Variants in L3MBTL4 observed in about 807,000 individuals in gnomAD.
L3MBTL4 encodes the protein lethal(3)malignant brain tumor-like protein 4.
Under a neutral mutation model 84.5 loss-of-function variants are expected in L3MBTL4, and 70 were observed. That is an observed-to-expected ratio of 0.83 (90% confidence interval 0.68 to 1.01). The LOEUF (loss-of-function observed/expected upper bound fraction) is 1.01. L3MBTL4 is among the 50% of genes least tolerant of loss of function. The probability of loss-of-function intolerance (pLI) is 0.00; values close to 1 mark genes in which losing one functional copy is unlikely to be tolerated. For missense variants in L3MBTL4, 715 were observed against 754.8 expected (o/e 0.95, Z 0.62); for synonymous variants, 274 against 259.8 (o/e 1.05, Z -0.52).
At chr18:6,226,056 G>C (rs1599232095) in intron 10 of L3MBTL4, among the ~76,000 whole-genome samples, 1 of 152,256 alleles carries the variant, frequency 6.6e-6, no homozygotes, top group Middle Eastern at 3.4e-3. Flanking sequence ...AAAAAGTGCT[G>C]AAAATGGTGA....
At chr18:6,302,475 G>C (rs765061486) in intron 3 of L3MBTL4, among the ~76,000 whole-genome samples, 3 of 152,192 alleles carry the variant, frequency 2.0e-5, no homozygotes, top group African/African-American at 4.8e-5. Flanking sequence ...AACAATACAA[G>C]CACACGCAGC....
intron 16 of L3MBTL4, among the ~76,000 whole-genome samples, chr18:6,060,494 C>A (rs960837208): frequency 1.3e-5 from 2 of 151,690 alleles, no homozygotes; most frequent in African/African-American, 4.8e-5. Context: ...CCATATGCCC[C>A]CTTTACCCCT....
intron 5 of L3MBTL4, chr18:6,258,564 G>T (rs942721184): frequency 6.6e-6 from 1 of 152,342 alleles, no homozygotes; most frequent in African/African-American, 2.4e-5. Flanking sequence ...AGTCTTAAAA[G>T]AAAAAGTGGT....
chr18:6,281,437 T>C (rs577149726), intron 4 of L3MBTL4, among the ~76,000 whole-genome samples: 2 of 152,334 alleles, frequency 1.3e-5, no homozygotes, highest in Admixed American at 6.5e-5. Context: ...TTTTAAATAC[T>C]GTCATAAATT....
chr18:5,956,238 G>A lies in L3MBTL4; in HGVS notation c.1827C>T (p.Gly609=), dbSNP rs370277003. The part of the protein sequence containing the change: ...QELPEEDIAS[G]QEVRG ...AGCCCATTCATCCCCTGACTTCTTG[G>A]CCTGAGGCAATATCTTCTTCAGGGA... is the stretch of plus-strand genomic sequence containing the variant. Residue 609 remains glycine, a synonymous_variant, in exon 19 of 19, where the codon GGC becomes GGT. Coordinates refer to ENST00000317931, the MANE Select transcript of L3MBTL4 (RefSeq NM_001330559.2). The A allele has an allele frequency of 1.8e-5, 29 of 1,613,576 alleles. No individual in the cohort carries two copies. Among genetic ancestry groups the A allele is most frequent in the Non-Finnish European group, 2.1e-5 (25 of 1,179,878 alleles).
intron 4 of L3MBTL4, among the ~76,000 whole-genome samples, chr18:6,266,529 TAGAACATTTGA>T (rs2048640628): frequency 6.6e-6 from 1 of 152,162 alleles, no homozygotes; most frequent in Non-Finnish European, 1.5e-5. Flanking sequence ...CACCTCTCAC[TAGAACATTTGA>T]AACCTCTCGA....
chr18:6,196,642 T>C (rs2145595802), intron 12 of L3MBTL4, among the ~76,000 whole-genome samples: 1 of 152,310 alleles, frequency 6.6e-6, no homozygotes, highest in East Asian at 1.9e-4. Flanking sequence ...CCAAAGCCTT[T>C]TAACTATAAA....
At chr18:6,076,490 T>C (rs957506413) in intron 16 of L3MBTL4, among the ~76,000 whole-genome samples, 3 of 152,200 alleles carry the variant, frequency 2.0e-5, no homozygotes, top group African/African-American at 7.2e-5. Flanking sequence ...TGGTCATATG[T>C]TTCTTGATCT....
At chr18:6,088,221 C>T (rs62079163) in intron 15 of L3MBTL4, among the ~76,000 whole-genome samples, 1,593 of 152,170 alleles carry the variant, frequency 0.01, 30 homozygotes, top group African/African-American at 0.037. Context: ...ATAGGACTGG[C>T]CTTAGCAAGG....
chr18:5,994,841 G>A (rs2053876655), intron 16 of L3MBTL4, among the ~76,000 whole-genome samples: 1 of 152,186 alleles, frequency 6.6e-6, no homozygotes, highest in Non-Finnish European at 1.5e-5. Flanking sequence ...CCTTGAAATT[G>A]TAAATTTTCT....
chr18:6,107,057 T>C (rs7238730), intron 14 of L3MBTL4, among the ~76,000 whole-genome samples: 4,228 of 152,344 alleles, frequency 0.028, 194 homozygotes, highest in African/African-American at 0.097. Flanking sequence ...CATATATACT[T>C]ATTAAGCATT....
At chr18:6,117,672 T>A (rs1434518669) in intron 14 of L3MBTL4, among the ~76,000 whole-genome samples, 1 of 152,200 alleles carries the variant, frequency 6.6e-6, no homozygotes, top group East Asian at 1.9e-4. Flanking sequence ...GAGATAAGAT[T>A]TGTCGTAAAA....
At chr18:6,177,665 T>C (rs752971867) in intron 12 of L3MBTL4, among the ~76,000 whole-genome samples, 5 of 152,232 alleles carry the variant, frequency 3.3e-5, no homozygotes, top group African/African-American at 1.2e-4. Context: ...TGCTGTCACA[T>C]GTGGCTGCTC....
At chr18:6,155,947 A>G (rs371375189) in intron 13 of L3MBTL4, among the ~76,000 whole-genome samples, 57 of 152,242 alleles carry the variant, frequency 3.7e-4, no homozygotes, top group African/African-American at 1.3e-3. Context: ...AAATAAAACT[A>G]TGACGTATTT....
chr18:6,124,227 G>T (rs2059615873), intron 14 of L3MBTL4, among the ~76,000 whole-genome samples: 3 of 152,026 alleles, frequency 2.0e-5, no homozygotes. Flanking sequence ...AGATGTAGAG[G>T]TTCCAATGTC....
chr18:6,074,394 A>G (rs1162126418), intron 16 of L3MBTL4, among the ~76,000 whole-genome samples: 1 of 152,138 alleles, frequency 6.6e-6, no homozygotes, highest in Non-Finnish European at 1.5e-5. Flanking sequence ...TCACTGGGTG[A>G]CAAGCAGGCT....
At chr18:6,040,661 C>A (rs1199026445) in intron 16 of L3MBTL4, among the ~76,000 whole-genome samples, 3 of 152,106 alleles carry the variant, frequency 2.0e-5, no homozygotes, top group Non-Finnish European at 4.4e-5. Flanking sequence ...GACAAGGAGT[C>A]CTTTGAGTGG....
chr18:6,196,646 C>T (rs1426802152), intron 12 of L3MBTL4, among the ~76,000 whole-genome samples: 2 of 152,188 alleles, frequency 1.3e-5, no homozygotes, highest in Non-Finnish European at 2.9e-5. Context: ...AGCCTTTTAA[C>T]TATAAAACTC....
chr18:5,972,892 G>GAGAAGAGAAT lies in L3MBTL4; in HGVS notation c.1445-3331_1445-3330insATTCTCTTCT, dbSNP rs71370533. Among the ~76,000 whole-genome samples the GAGAAGAGAAT allele has an allele frequency of 1.3e-4, 17 of 132,124 alleles. 1 individual carries two copies. The East Asian group carries it at 2.9e-3, about 23-fold the overall frequency. 86.7% of individuals were successfully genotyped at this position (132,124 alleles called of 152,430 possible). On this transcript the variant is annotated intron_variant, in intron 16 of 18. Coordinates refer to ENST00000317931, the MANE Select transcript of L3MBTL4 (RefSeq NM_001330559.2). ...TAGAATAGAATAGAATAGAACAGAAGAGAATAGAATAGAATAGAATAGAAT... is the reference window on the plus strand; with the variant it reads ...TAGAATAGAATAGAATAGAACAGAAGAGAAGAGAATAGAATAGAATAGAATAGAATAGAAT...
Sources: gnomAD v4.1 joint callset for allele counts (sites outside exome capture counted in the v4.1 genomes callset) on GRCh38, gnomAD v4.1.1 for gene constraint, MANE v1.5 for transcripts, NCBI Gene and HGNC (gene_info 2026-07-23, HGNC 2026-07-21) for gene names.